The following AHRR variants were observed in gnomAD, a reference collection of about 807,000 sequenced individuals.
AHRR encodes ahR repressor.
Under a neutral mutation model 44.0 loss-of-function variants are expected in AHRR, and 28 were observed. That is an observed-to-expected ratio of 0.64 (90% CI 0.47 to 0.87). AHRR has a LOEUF of 0.87. Among genes scored for constraint, AHRR ranks in the 40% least tolerant of loss-of-function variants. The pLI is 0.00. For missense variants in AHRR, 990 were observed against 953.9 expected (o/e 1.04, Z -0.50); for synonymous variants, 434 against 407.0 (o/e 1.07, Z -0.80).
intron 1 of AHRR, among the ~76,000 whole-genome samples, chr5:324,967 C>T (rs561439671): frequency 1.7e-4 from 26 of 152,276 alleles, no homozygotes; most frequent in African/African-American, 4.3e-4. Flanking sequence ...ATTTTAGAAC[C>T]GTTCCACAGC....
At chr5:425,783 T>TA (rs1454147075) in intron 7 of AHRR, among the ~76,000 whole-genome samples, 1 of 152,212 alleles carries the variant, frequency 6.6e-6, no homozygotes, top group Non-Finnish European at 1.5e-5. Context: ...TTTACACAAA[T>TA]ACGTGTCTGA....
In AHRR at chr5:404,943, G is replaced by T. The variant is rs1470609119; in HGVS notation, c.352-8401G>T. ...CGAGGCTGTCTTCACACTCCCCGCG[G>T]GGTCCATTTCATGTCCTGCTGATTA... On this transcript the variant is annotated intron_variant, in intron 4 of 10. Coordinates refer to ENST00000684583, the MANE Select transcript of AHRR (RefSeq NM_001377236.1). This position sits in a 1 kb window ranked among gnomAD's most constrained non-coding sequence, Gnocchi z 4.1. Among the ~76,000 whole-genome samples, 3 of 152,108 alleles carry T rather than the reference G, an allele frequency of 2.0e-5. No homozygotes were observed. The highest frequency in any genetic ancestry group is 4.8e-5 in the African/African-American group (2 of 41,422).
rs1735253686 is a variant in AHRR, at chr5:406,267, G to T, written c.352-7077G>T. 6.6e-6 allele frequency among the ~76,000 whole-genome samples: 1 copy of T among 152,168 alleles called. No homozygotes were observed. The highest frequency in any genetic ancestry group is 2.4e-5 in the African/African-American group (1 of 41,434). ...CCAGTGGCTCTGTGAGCCGCCTCTTGTCTGCATTTCTTGCAGGAACATGGA... is the reference window on the plus strand; with the variant it reads ...CCAGTGGCTCTGTGAGCCGCCTCTTTTCTGCATTTCTTGCAGGAACATGGA... On this transcript the variant is annotated intron_variant, in intron 4 of 10. Coordinates refer to ENST00000684583, the MANE Select transcript of AHRR (RefSeq NM_001377236.1). The surrounding 1 kb of genome is among the most constrained non-coding windows in gnomAD (Gnocchi z 4.7).
chr5:325,197 C>T (rs970690488), intron 1 of AHRR, among the ~76,000 whole-genome samples: 2 of 152,226 alleles, frequency 1.3e-5, no homozygotes, highest in African/African-American at 2.4e-5. Flanking sequence ...CACCACCCCC[C>T]GACCCGCTCT....
chr5:323,448 T>C (rs1741576867), intron 1 of AHRR, among the ~76,000 whole-genome samples: 1 of 152,242 alleles, frequency 6.6e-6, no homozygotes, highest in Non-Finnish European at 1.5e-5. Flanking sequence ...AGTTCAGATA[T>C]GCTCAGGTGA....
At chr5:401,519 T>C (rs1165177819) in intron 4 of AHRR, among the ~76,000 whole-genome samples, 2 of 152,248 alleles carry the variant, frequency 1.3e-5, no homozygotes, top group African/African-American at 4.8e-5. Context: ...GCAGGGACGA[T>C]CCTGGGCCCT....
At chr5:323,655 G>A (rs1046503950) in intron 1 of AHRR, among the ~76,000 whole-genome samples, 6 of 152,142 alleles carry the variant, frequency 3.9e-5, no homozygotes, top group African/African-American at 1.4e-4. Flanking sequence ...TTCCCACCTC[G>A]TTCACCCGTG....
At chr5:390,371 A>G (rs1054972314) in intron 4 of AHRR, among the ~76,000 whole-genome samples, 10 of 152,234 alleles carry the variant, frequency 6.6e-5, no homozygotes, top group Non-Finnish European at 1.5e-4. Flanking sequence ...AAAGAAAGAC[A>G]AAGGCAGCTG....
intron 4 of AHRR, among the ~76,000 whole-genome samples, chr5:400,450 C>T (rs981494186): frequency 6.6e-6 from 1 of 152,122 alleles, no homozygotes; most frequent in Non-Finnish European, 1.5e-5. Flanking sequence ...CGTTCAGTAA[C>T]AGCACATGGA....
rs561503733 is a variant in AHRR at position 337,980 on chromosome 5, C to T, written c.-10-5913C>T. Among the ~76,000 whole-genome samples, 1 of 152,174 alleles carries T rather than the reference C, an allele frequency of 6.6e-6. No individual in the cohort carries two copies. Among genetic ancestry groups the T allele is most frequent in the Non-Finnish European group, 1.5e-5 (1 of 68,034 alleles). On this transcript the variant is annotated intron_variant, in intron 1 of 10. Coordinates refer to ENST00000684583, the MANE Select transcript of AHRR (RefSeq NM_001377236.1). The surrounding 1 kb of genome is among the most constrained non-coding windows in gnomAD (Gnocchi z 4.1). Reference sequence around the variant, plus strand: ...TATAGGAAGAAATGCTGAAAGACTGCGGCTTATTAATGCAGATCAGGCAGG... The same window carrying T: ...TATAGGAAGAAATGCTGAAAGACTGTGGCTTATTAATGCAGATCAGGCAGG...
chr5:344,021 T>G (rs888548004), intron 2 of AHRR, 57 bp downstream of exon 2: 10 of 1,545,108 alleles, frequency 6.5e-6, no homozygotes, highest in Non-Finnish European at 8.8e-6. Flanking sequence ...AGGGGAGGGT[T>G]GGGGTTTGCC....
chr5:343,556 CTGGCTTCCTCGA>C (rs1742441010), intron 1 of AHRR: 2 of 345,414 alleles, frequency 5.8e-6, no homozygotes, highest in Non-Finnish European at 1.1e-5. Context: ...CCGCCCGTTC[CTGGCTTCCTCGA>C]TGGCTTCCTC....
chr5:410,888 G>A (rs946299909), intron 4 of AHRR, among the ~76,000 whole-genome samples: 5 of 152,046 alleles, frequency 3.3e-5, no homozygotes, highest in Non-Finnish European at 5.9e-5. Flanking sequence ...ATATTTCAAG[G>A]AATTTTCCTG....
rs756950747 is a variant in AHRR, at chr5:367,857, C to T, written c.245-8753C>T. 673 of 702,406 alleles carry T rather than the reference C, an allele frequency of 9.6e-4. 7 individuals are homozygous for T. Among genetic ancestry groups the T allele is most frequent in the Non-Finnish European group, 2.9e-4 (111 of 384,996 alleles). 43.5% of individuals were successfully genotyped at this position (702,406 alleles called of 1,614,324 possible). A position where few individuals can be genotyped will look rare whatever the true frequency, so the allele number is the denominator to read the frequency against. ...CCGAAGATGTGGATGACCACACGGG[C>T]GAACGAAGGCCCATGTCGTTCAGGA... On this transcript the variant is annotated intron_variant, in intron 3 of 10. Transcript: ENST00000684583.
At chr5:341,491 T>TCCCCA (rs1430320670) in intron 1 of AHRR, among the ~76,000 whole-genome samples, 1 of 130,612 alleles carries the variant, frequency 7.7e-6, no homozygotes, top group African/African-American at 3.1e-5. Context: ...TTCCTTCCCC[T>TCCCCA]CCCCTCCCCT....
At chr5:376,813 C>A in intron 4 of AHRR, 97 bp downstream of exon 4, 1 of 1,106,074 alleles carries the variant, frequency 9.0e-7, no homozygotes, top group Non-Finnish European at 1.3e-6. Flanking sequence ...CATGTTCAGG[C>A]CCTCACCCAG....
intron 1 of AHRR, among the ~76,000 whole-genome samples, chr5:328,762 T>A (rs184290618): frequency 1.3e-5 from 2 of 152,334 alleles, no homozygotes; most frequent in East Asian, 3.9e-4. Context: ...CGTTCAATTG[T>A]TTGAGTTCCT....
intron 4 of AHRR, among the ~76,000 whole-genome samples, chr5:401,446 A>G (rs557697429): frequency 1.5e-3 from 224 of 152,308 alleles, no homozygotes; most frequent in African/African-American, 5.2e-3. Flanking sequence ...TGGTCCCTCC[A>G]TGGCCACAAA....
rs1448944563 is a variant in AHRR, at chr5:338,531, C to T, written c.-10-5362C>T. ...ATTTTTGATCCTTTGTACCCAGTGC[C>T]TATTTTCTCTGGCTTTTAATATTAT... On this transcript the variant is annotated intron_variant, in intron 1 of 10. Transcript: ENST00000684583. This position sits in a 1 kb window ranked among gnomAD's most constrained non-coding sequence, Gnocchi z 4.1. Among the ~76,000 whole-genome samples, 3 of 152,110 alleles carry T rather than the reference C, an allele frequency of 2.0e-5. No individual in the cohort carries two copies. The highest frequency in any genetic ancestry group is 4.4e-5 in the Non-Finnish European group (3 of 68,040).
Sources: gnomAD v4.1 joint callset for allele counts (sites outside exome capture counted in the v4.1 genomes callset) on GRCh38, gnomAD v4.1.1 for gene constraint, Gnocchi (gnomAD v3.1) non-coding constraint, MANE v1.5 for transcripts, NCBI Gene and HGNC (gene_info 2026-07-23, HGNC 2026-07-21) for gene names.